The following ADGRL4 variants were observed in gnomAD, a reference collection of about 807,000 sequenced individuals.
ADGRL4 encodes the protein EGF, latrophilin and seven transmembrane domain containing 1.
In ADGRL4, 90 loss-of-function variants were observed where a neutral mutation model predicts 74.8. The ratio of observed to expected loss-of-function variants is 1.20; its 90% CI spans 1.02 to 1.43. ADGRL4 has a LOEUF of 1.43. ADGRL4 is among the 40% of genes most tolerant of loss of function. ADGRL4 has a pLI of 0.00. For missense variants in ADGRL4, 881 were observed against 814.3 expected (o/e 1.08, Z -1.00); for synonymous variants, 311 against 279.2 (o/e 1.11, Z -1.14).
rs905449041 is a variant in ADGRL4 at position 78,890,581 on chromosome 1, C to T, written c.*573G>A. 2 of 148,836 alleles carry T rather than the reference C, an allele frequency of 1.3e-5. No individual in the cohort carries two copies. Among genetic ancestry groups the T allele is most frequent in the African/African-American group, 5.0e-5 (2 of 40,380 alleles). The allele number at this position is 148,836 out of a possible 1,614,324, so 9.2% of individuals were successfully genotyped here. On this transcript the variant is annotated 3_prime_UTR_variant, in exon 15 of 15. Transcript: ENST00000370742. ...TTTTAGTGGACATTTAAGTTCAGAA[C>T]AATTCACAAAATGGTAAAATGTGTT...
At chr1:78,921,826 G>A (rs1649008756) in intron 8 of ADGRL4, 40 bp from the exon 9 acceptor site, 1 of 1,174,584 alleles carries the variant, frequency 8.5e-7, no homozygotes, top group Non-Finnish European at 1.1e-6. Flanking sequence ...AAGAGAAAAA[G>A]TTACATACAT....
At chr1:78,931,120 G>A (rs1649233000) in intron 7 of ADGRL4, among the ~76,000 whole-genome samples, 1 of 151,068 alleles carries the variant, frequency 6.6e-6, no homozygotes, top group Non-Finnish European at 1.5e-5. Context: ...TCAACCCCAA[G>A]ACACATAAAC....
chr1:78,903,588 T>A (rs1570214408), intron 12 of ADGRL4, among the ~76,000 whole-genome samples: 2 of 152,172 alleles, frequency 1.3e-5, no homozygotes, highest in Admixed American at 6.5e-5. Flanking sequence ...TCATGAAATG[T>A]TTAGAAGTTT....
chr1:78,965,100 G>A (rs1650028578), intron 2 of ADGRL4, among the ~76,000 whole-genome samples: 1 of 151,964 alleles, frequency 6.6e-6, no homozygotes, highest in Non-Finnish European at 1.5e-5. Flanking sequence ...TCAAAATATA[G>A]AAATCCTTTT....
At chr1:78,918,985 T>C (rs1279635174) in intron 10 of ADGRL4, among the ~76,000 whole-genome samples, 1 of 151,886 alleles carries the variant, frequency 6.6e-6, no homozygotes, top group Non-Finnish European at 1.5e-5. Flanking sequence ...GGGGTGAAGA[T>C]AATGGTGGAA....
At chr1:78,993,581 T>G (rs1304139199) in intron 2 of ADGRL4, among the ~76,000 whole-genome samples, 4 of 151,878 alleles carry the variant, frequency 2.6e-5, no homozygotes, top group Admixed American at 2.0e-4. Flanking sequence ...CATTTTTTTT[T>G]TTTTTGAGAT....
intron 2 of ADGRL4, among the ~76,000 whole-genome samples, chr1:78,958,080 A>G: frequency 6.6e-6 from 1 of 151,964 alleles, no homozygotes; most frequent in East Asian, 1.9e-4. Context: ...CGTTAAGCCC[A>G]TTGTTAAAAA....
intron 12 of ADGRL4, among the ~76,000 whole-genome samples, chr1:78,905,420 A>C (rs1430877625): frequency 1.3e-5 from 2 of 152,066 alleles, no homozygotes; most frequent in Admixed American, 6.6e-5. Context: ...GAGAGCAGAT[A>C]GCTACCTTTT....
intron 7 of ADGRL4, among the ~76,000 whole-genome samples, chr1:78,932,627 AC>A (rs1557502540): frequency 1.9e-4 from 27 of 138,622 alleles, no homozygotes; most frequent in Middle Eastern, 3.8e-3. Context: ...AAAAAAAAAA[AC>A]AATGAATCCA....
intron 12 of ADGRL4, among the ~76,000 whole-genome samples, chr1:78,910,198 T>TA (rs560335319): frequency 3.4e-4 from 52 of 151,922 alleles, no homozygotes; most frequent in African/African-American, 1.2e-3. Context: ...TTTGTGCTAC[T>TA]AAAAAATGTA....
At chr1:78,935,550 A>G (rs1649335517) in intron 7 of ADGRL4, among the ~76,000 whole-genome samples, 1 of 151,726 alleles carries the variant, frequency 6.6e-6, no homozygotes, top group Non-Finnish European at 1.5e-5. Context: ...AAACAAACCT[A>G]CTTTAAAAAA....
chr1:78,936,718 T>G (rs1288397103), intron 6 of ADGRL4, among the ~76,000 whole-genome samples: 1 of 152,188 alleles, frequency 6.6e-6, no homozygotes, highest in Non-Finnish European at 1.5e-5. Context: ...GATAAGCAAC[T>G]ACAATGGCTT....
chr1:78,996,227 C>T (rs1261467048), intron 2 of ADGRL4, among the ~76,000 whole-genome samples: 1 of 152,166 alleles, frequency 6.6e-6, no homozygotes, highest in East Asian at 1.9e-4. Flanking sequence ...ATCTATTCAT[C>T]CTCCTGATAA....
chr1:78,893,739 T>C (rs1049072738), intron 12 of ADGRL4, among the ~76,000 whole-genome samples: 1 of 151,936 alleles, frequency 6.6e-6, no homozygotes, highest in Non-Finnish European at 1.5e-5. Flanking sequence ...GATTTAACCG[T>C]GGATGCTTTC....
At chr1:79,005,267 C>A in intron 1 of ADGRL4, 48 bp from the exon 2 acceptor site, 1 of 1,390,294 alleles carries the variant, frequency 7.2e-7, no homozygotes, top group Non-Finnish European at 9.9e-7. Context: ...AAACAAACAT[C>A]TCTCCCCATT....
At chr1:78,950,412 A>G (rs1649699231) in intron 2 of ADGRL4, among the ~76,000 whole-genome samples, 1 of 152,118 alleles carries the variant, frequency 6.6e-6, no homozygotes, top group South Asian at 2.1e-4. Context: ...ATTTGGAATT[A>G]TATCCAGTGG....
intron 2 of ADGRL4, among the ~76,000 whole-genome samples, chr1:78,964,911 C>A (rs553336731): frequency 6.6e-6 from 1 of 152,130 alleles, no homozygotes; most frequent in African/African-American, 2.4e-5. Flanking sequence ...TCACTCAATT[C>A]TATTTTGTGT....
At chr1:78,932,613 C>CAAAA (rs557004722) in intron 7 of ADGRL4, among the ~76,000 whole-genome samples, 2,725 of 57,196 alleles carry the variant, frequency 0.048, 56 homozygotes, top group South Asian at 0.081. Flanking sequence ...AAAACCCCTC[C>CAAAA]AAAAAAAAAA....
intron 12 of ADGRL4, among the ~76,000 whole-genome samples, chr1:78,909,823 G>A (rs1023272847): frequency 6.6e-6 from 1 of 151,848 alleles, no homozygotes; most frequent in African/African-American, 2.4e-5. Context: ...ATAGATACAT[G>A]AAATTATATT....
Sources: gnomAD v4.1 joint callset for allele counts (sites outside exome capture counted in the v4.1 genomes callset) on GRCh38, gnomAD v4.1.1 for gene constraint, MANE v1.5 for transcripts, NCBI Gene and HGNC (gene_info 2026-07-23, HGNC 2026-07-21) for gene names.